CIMAP2: variants seen among roughly 807,000 people sequenced by gnomAD.
CIMAP2 encodes ciliary microtubule-associated protein 2.
chr1:54,811,786 C>CCCCCCCCCACA, the CIMAP2 span: 1 of 1,466,488 alleles, frequency 6.8e-7, no homozygotes, highest in Non-Finnish European at 9.3e-7. Context: ...CCCACCCCCG[C>CCCCCCCCCACA]CCCACAGAAC....
At chr1:54,822,188 G>A in the CIMAP2 span, among the ~76,000 whole-genome samples, 3 of 98,258 alleles carry the variant, frequency 3.1e-5, no homozygotes, top group African/African-American at 3.5e-5. Context: ...GTGAGCCACC[G>A]CGCCCGGCCT....
chr1:54,807,416 G>T, the CIMAP2 span: 169 of 1,328,518 alleles, frequency 1.3e-4, no homozygotes, highest in Admixed American at 4.6e-4. Context: ...AGCCACAGGG[G>T]GATTGCCTAC....
chr1:54,814,462 C>G, the CIMAP2 span, among the ~76,000 whole-genome samples: 3 of 152,226 alleles, frequency 2.0e-5, no homozygotes, highest in Non-Finnish European at 2.9e-5. Context: ...GGTCTGCCCC[C>G]GCTAGGCACT....
the CIMAP2 span, among the ~76,000 whole-genome samples, chr1:54,821,882 ATTTCTTTTT>A: frequency 1.7e-5 from 1 of 57,396 alleles, no homozygotes; most frequent in South Asian, 7.0e-4. Flanking sequence ...GATGCCTCTT[ATTTCTTTTT>A]TTTTTTTTTT....
At chr1:54,816,025 AC>A in the CIMAP2 span, among the ~76,000 whole-genome samples, 94 of 152,022 alleles carry the variant, frequency 6.2e-4, 1 homozygote, top group African/African-American at 2.1e-3. Flanking sequence ...TCTAGCCTGC[AC>A]CCCCTGCAGG....
chr1:54,819,118 C>A, the CIMAP2 span, among the ~76,000 whole-genome samples: 8 of 152,276 alleles, frequency 5.3e-5, no homozygotes, highest in African/African-American at 1.9e-4. Flanking sequence ...ATGCCAGTGT[C>A]TCTAGGTGTT....
chr1:54,811,764 AGCCTCCAT>A, the CIMAP2 span: 12 of 1,097,912 alleles, frequency 1.1e-5, no homozygotes, highest in Non-Finnish European at 1.5e-5. Context: ...TGGTTCTGAC[AGCCTCCAT>A]GCCCCCACCC....
At chr1:54,832,068 C>T in the CIMAP2 span, among the ~76,000 whole-genome samples, 2 of 152,206 alleles carry the variant, frequency 1.3e-5, no homozygotes, top group Non-Finnish European at 2.9e-5. Flanking sequence ...TGGTCTCAAA[C>T]TCCTGGGCTC....
At chr1:54,807,248 G>A in the CIMAP2 span, among the ~76,000 whole-genome samples, 1 of 152,218 alleles carries the variant, frequency 6.6e-6, no homozygotes, top group African/African-American at 2.4e-5. Context: ...TTTGATAAAC[G>A]AGGGACTGCA....
the CIMAP2 span, among the ~76,000 whole-genome samples, chr1:54,809,856 C>T: frequency 3.2e-3 from 443 of 138,568 alleles, 2 homozygotes; most frequent in Non-Finnish European, 4.7e-3. Context: ...CTTTGGGGAT[C>T]CTTTTCAAAG....
At chr1:54,811,765 G>GCCGGGGGGGGGGGGCCC in the CIMAP2 span, 11 of 1,301,324 alleles carry the variant, frequency 8.5e-6, no homozygotes, top group African/African-American at 1.5e-5. Context: ...GGTTCTGACA[G>GCCGGGGGGGGGGGGCCC]CCTCCATGCC....
At chr1:54,815,172 C>A in the CIMAP2 span, 1 of 1,328,046 alleles carries the variant, frequency 7.5e-7, no homozygotes, top group South Asian at 1.4e-5. Flanking sequence ...CCCCAAGGGA[C>A]CTGAGGTCCA....
At chr1:54,813,934 A>G in the CIMAP2 span, 1 of 1,612,158 alleles carries the variant, frequency 6.2e-7, no homozygotes, top group African/African-American at 1.3e-5. Flanking sequence ...CCCTACAGAG[A>G]GGATTTACTG....
chr1:54,829,531 T>G, the CIMAP2 span, among the ~76,000 whole-genome samples: 5 of 152,186 alleles, frequency 3.3e-5, no homozygotes, highest in African/African-American at 1.2e-4. Context: ...GTGAAGGATT[T>G]CTTTATGCAC....
the CIMAP2 span, among the ~76,000 whole-genome samples, chr1:54,826,156 G>T: frequency 6.6e-6 from 1 of 152,142 alleles, no homozygotes; most frequent in African/African-American, 2.4e-5. Context: ...GGTAGGGTGG[G>T]CCTGTCCTCA....
At chr1:54,812,644 C>G in the CIMAP2 span, among the ~76,000 whole-genome samples, 3 of 152,050 alleles carry the variant, frequency 2.0e-5, no homozygotes, top group African/African-American at 7.3e-5. Flanking sequence ...AGGAGGGGAA[C>G]TTGAGGTAGA....
the CIMAP2 span, among the ~76,000 whole-genome samples, chr1:54,836,883 G>A: frequency 6.6e-5 from 10 of 152,040 alleles, no homozygotes; most frequent in East Asian, 1.9e-3. Context: ...GGGATCAGCC[G>A]AGTCTTGATG....
the CIMAP2 span, among the ~76,000 whole-genome samples, chr1:54,822,877 A>G: frequency 6.6e-6 from 1 of 152,160 alleles, no homozygotes; most frequent in Non-Finnish European, 1.5e-5. Context: ...TATTCGTACA[A>G]TTTCCAAAGT....
At chr1:54,811,765 G>GCGGGGGGGGGGGCCCCCCCCCCCCCCCCC in the CIMAP2 span, 2 of 1,301,332 alleles carry the variant, frequency 1.5e-6, no homozygotes, top group Non-Finnish European at 2.2e-6. Context: ...GGTTCTGACA[G>GCGGGGGGGGGGGCCCCCCCCCCCCCCCCC]CCTCCATGCC....
Sources: gnomAD v4.1 joint callset for allele counts (sites outside exome capture counted in the v4.1 genomes callset) on GRCh38, gnomAD v4.1.1 for gene constraint, MANE v1.5 for transcripts, NCBI Gene and HGNC (gene_info 2026-07-23, HGNC 2026-07-21) for gene names.